Variants in FAM135B observed in about 807,000 individuals in gnomAD.
The protein encoded by FAM135B is protein FAM135B.
FAM135B carries 43 observed loss-of-function variants against 127.7 expected under a neutral mutation model. The ratio of observed to expected loss-of-function variants is 0.34; its 90% CI spans 0.26 to 0.43. FAM135B has a LOEUF of 0.43. Among genes scored for constraint, FAM135B ranks in the 20% least tolerant of loss-of-function variants. The pLI, the probability that FAM135B is intolerant of heterozygous loss-of-function variation, is 1.00. For missense variants in FAM135B, 1,558 were observed against 1,725.6 expected, an observed-to-expected ratio of 0.90 and a Z score of 1.72; for synonymous variants, 670 against 665.1, an observed-to-expected ratio of 1.01 and a Z score of -0.11.
chr8:138,355,997 A>T (rs1830068668), intron 2 of FAM135B, among the ~76,000 whole-genome samples: 1 of 152,100 alleles, frequency 6.6e-6, no homozygotes, highest in Non-Finnish European at 1.5e-5. Context: ...AAAGGCCTGG[A>T]GGGAACTAGC....
intron 11 of FAM135B, among the ~76,000 whole-genome samples, chr8:138,175,055 A>G (rs4291315): frequency 0.59 from 89,725 of 151,618 alleles, 27,143 homozygotes; most frequent in East Asian, 0.98. Context: ...AGATATAAGA[A>G]GTTCAGTAAC....
At chr8:138,195,188 G>A (rs2131110334) in intron 9 of FAM135B, 70 bp downstream of exon 9, 1 of 1,475,118 alleles carries the variant, frequency 6.8e-7, no homozygotes, top group Non-Finnish European at 9.4e-7. Context: ...TTTACAGCAA[G>A]CAAGCAACTG....
At chr8:138,138,534 C>T (rs1376149450) in intron 18 of FAM135B, among the ~76,000 whole-genome samples, 4 of 152,252 alleles carry the variant, frequency 2.6e-5, no homozygotes, top group African/African-American at 9.6e-5. Flanking sequence ...CTATGCACTT[C>T]CACATGACAG....
At chr8:138,493,235 T>C (rs2131700761) in intron 1 of FAM135B, among the ~76,000 whole-genome samples, 1 of 152,302 alleles carries the variant, frequency 6.6e-6, no homozygotes, top group African/African-American at 2.4e-5. Context: ...TCCGTGAATC[T>C]CTGCCAGCTC....
intron 2 of FAM135B, among the ~76,000 whole-genome samples, chr8:138,327,580 G>A (rs1827880791): frequency 6.6e-6 from 1 of 152,164 alleles, no homozygotes; most frequent in South Asian, 2.1e-4. Flanking sequence ...GCCATTGCAA[G>A]CTTTGTGTCC....
intron 11 of FAM135B, among the ~76,000 whole-genome samples, chr8:138,176,349 C>T (rs1331378028): frequency 2.0e-5 from 3 of 152,212 alleles, no homozygotes; most frequent in Non-Finnish European, 4.4e-5. Context: ...CTCAGTGACC[C>T]TCACGGTTAT....
chr8:138,130,561 G>A lies in FAM135B; in HGVS notation c.*2032C>T, dbSNP rs1191570894. On this transcript the variant is annotated 3_prime_UTR_variant, in exon 20 of 20. Transcript: ENST00000395297. The stretch of plus-strand genomic sequence containing the variant: ...CCGCGGGCTACACAGTCTTTCAAAG[G>A]ACCAGGGAATGACGAACATTGCTGA... 2.6e-5 allele frequency: 4 copies of A among 152,176 alleles called. No individual in the cohort carries two copies. The highest frequency in any genetic ancestry group is 5.9e-5 in the Non-Finnish European group (4 of 68,038). 9.4% of individuals were successfully genotyped at this position (152,176 alleles called of 1,614,324 possible).
intron 1 of FAM135B, among the ~76,000 whole-genome samples, chr8:138,467,591 C>T (rs1205299660): frequency 6.6e-6 from 1 of 152,106 alleles, no homozygotes; most frequent in African/African-American, 2.4e-5. Context: ...TACAGAGAAC[C>T]ATGGTAAGTG....
intron 1 of FAM135B, among the ~76,000 whole-genome samples, chr8:138,460,069 A>G (rs553113210): frequency 6.6e-6 from 1 of 152,312 alleles, no homozygotes; most frequent in East Asian, 1.9e-4. Flanking sequence ...AGGATTAACT[A>G]TTGTTTCTTT....
At chr8:138,272,249 C>G (rs917535142) in intron 3 of FAM135B, among the ~76,000 whole-genome samples, 17 of 152,124 alleles carry the variant, frequency 1.1e-4, no homozygotes, top group Non-Finnish European at 1.5e-5. Context: ...CTTTGCATAT[C>G]AGTAACACTC....
intron 12 of FAM135B, among the ~76,000 whole-genome samples, chr8:138,163,453 G>A (rs1819602066): frequency 6.6e-6 from 1 of 152,092 alleles, no homozygotes; most frequent in African/African-American, 2.4e-5. Flanking sequence ...ATCTTGAATT[G>A]CAGCTCCCTT....
At chr8:138,189,161 C>T (rs909677387) in intron 9 of FAM135B, among the ~76,000 whole-genome samples, 4 of 152,158 alleles carry the variant, frequency 2.6e-5, no homozygotes, top group South Asian at 2.1e-4. Flanking sequence ...TATGGTTGCA[C>T]GCTGGAGAGA....
chr8:138,210,401 T>C (rs1818047292), intron 7 of FAM135B, among the ~76,000 whole-genome samples: 1 of 152,122 alleles, frequency 6.6e-6, no homozygotes, highest in Non-Finnish European at 1.5e-5. Context: ...CGTTCTTGCA[T>C]TGCTATAACA....
chr8:138,240,606 G>C (rs1464630018), intron 7 of FAM135B, among the ~76,000 whole-genome samples: 1 of 152,184 alleles, frequency 6.6e-6, no homozygotes, highest in African/African-American at 2.4e-5. Context: ...CCTAGGGATG[G>C]GGAGCTGAAT....
At chr8:138,440,580 G>A (rs1383726851) in intron 1 of FAM135B, 1 of 151,894 alleles carries the variant, frequency 6.6e-6, no homozygotes, top group Admixed American at 6.6e-5. Flanking sequence ...CATCATCATT[G>A]CTATCATTAC....
rs544100151 is a variant in FAM135B, at chr8:138,202,702, C to A, written c.670-5033G>T. On this transcript the variant is annotated intron_variant, in intron 7 of 19. Transcript: ENST00000395297. The stretch of plus-strand genomic sequence containing the variant: ...TAGGGATTAAATGAGATTATTCCAG[C>A]AAAATGCAGACTTATGTAATGCTCC... Among the ~76,000 whole-genome samples, 126 of 152,290 alleles carry A rather than the reference C, an allele frequency of 8.3e-4. 1 individual carries two copies. The highest frequency in any genetic ancestry group is 5.4e-3 in the South Asian group (26 of 4,812).
chr8:138,245,940 A>G (rs112300751), intron 6 of FAM135B, among the ~76,000 whole-genome samples: 10,216 of 152,252 alleles, frequency 0.067, 1,047 homozygotes, highest in African/African-American at 0.22. Context: ...ATGAAGTCCA[A>G]GCTGAGGTGT....
At chr8:138,381,713 A>T (rs558840817) in intron 1 of FAM135B, among the ~76,000 whole-genome samples, 2 of 152,220 alleles carry the variant, frequency 1.3e-5, no homozygotes, top group African/African-American at 2.4e-5. Flanking sequence ...ACTTGGAATC[A>T]GCTCCTACTT....
rs1824117133 is a variant in FAM135B, at chr8:138,279,740, T to C, written c.158-13898A>G. On this transcript the variant is annotated intron_variant, in intron 3 of 19. Coordinates refer to ENST00000395297, the MANE Select transcript of FAM135B (RefSeq NM_015912.4). ...TGTCTCACAGAGTCCACCTCCTATTTTACCCATCTTAGAGTCACCTTATTG... is the reference window on the plus strand; with the variant it reads ...TGTCTCACAGAGTCCACCTCCTATTCTACCCATCTTAGAGTCACCTTATTG... 2.0e-5 allele frequency among the ~76,000 whole-genome samples: 3 copies of C among 152,208 alleles called. No individual in the cohort carries two copies. The South Asian group carries it at 6.2e-4, about 32-fold the overall frequency.
Sources: gnomAD v4.1 joint callset for allele counts (sites outside exome capture counted in the v4.1 genomes callset) on GRCh38, gnomAD v4.1.1 for gene constraint, MANE v1.5 for transcripts, NCBI Gene and HGNC (gene_info 2026-07-23, HGNC 2026-07-21) for gene names.